The following MNAT1 variants were observed in gnomAD, a reference collection of about 807,000 sequenced individuals.
The protein encoded by MNAT1 is MNAT1 component of CDK activating kinase, also known as CDK-activating kinase assembly factor MAT1.
A neutral mutation model predicts 42.0 loss-of-function variants in MNAT1; 43 were observed. That is an observed-to-expected ratio of 1.02 (90% CI 0.80 to 1.32). MNAT1 has a LOEUF of 1.32. Ranked by LOEUF, MNAT1 falls within the 40% of genes most tolerant of loss-of-function variation. The pLI is 0.00. For synonymous variants in MNAT1, 118 were observed against 120.0 expected (o/e 0.98, Z 0.11); for missense variants, 306 against 350.4 (o/e 0.87, Z 1.01).
intron 1 of MNAT1, among the ~76,000 whole-genome samples, chr14:60,782,334 C>T (rs1478712531): frequency 1.3e-5 from 2 of 152,044 alleles, no homozygotes. Flanking sequence ...GAAGGACTAC[C>T]TTACATGGAC....
At chr14:60,867,720 T>G (rs933964819) in intron 6 of MNAT1, among the ~76,000 whole-genome samples, 1 of 152,114 alleles carries the variant, frequency 6.6e-6, no homozygotes, top group African/African-American at 2.4e-5. Flanking sequence ...GTCTCCTCAC[T>G]TATACACTCC....
intron 1 of MNAT1, among the ~76,000 whole-genome samples, chr14:60,784,989 A>G (rs1039895511): frequency 1.3e-5 from 2 of 152,026 alleles, no homozygotes; most frequent in African/African-American, 4.8e-5. Flanking sequence ...AGTAGCTGGG[A>G]CTACAGGTGT....
intron 7 of MNAT1, among the ~76,000 whole-genome samples, chr14:60,908,332 T>A (rs1293075473): frequency 6.6e-6 from 1 of 152,186 alleles, no homozygotes; most frequent in South Asian, 2.1e-4. Context: ...TTTTTTATTT[T>A]TATTATACTT....
intron 7 of MNAT1, among the ~76,000 whole-genome samples, chr14:60,913,421 AG>A (rs1203578660): frequency 6.6e-6 from 1 of 151,952 alleles, no homozygotes; most frequent in Non-Finnish European, 1.5e-5. Flanking sequence ...TAGAGTTTCC[AG>A]TTTTTCTGCT....
At chr14:60,788,084 C>T (rs1463348269) in intron 1 of MNAT1, among the ~76,000 whole-genome samples, 1 of 152,158 alleles carries the variant, frequency 6.6e-6, no homozygotes, top group Non-Finnish European at 1.5e-5. Flanking sequence ...GCAGCTACAG[C>T]ATTATGACAT....
intron 6 of MNAT1, among the ~76,000 whole-genome samples, chr14:60,870,172 C>G (rs1184973587): frequency 6.6e-6 from 1 of 152,002 alleles, no homozygotes. Flanking sequence ...TTTAGAAAAC[C>G]TTTTTTCTCA....
chr14:60,930,969 T>A (rs1313453680), intron 7 of MNAT1, among the ~76,000 whole-genome samples: 1 of 152,192 alleles, frequency 6.6e-6, no homozygotes, highest in African/African-American at 2.4e-5. Flanking sequence ...GGAAGACGTT[T>A]AAATAATTGA....
intron 6 of MNAT1, among the ~76,000 whole-genome samples, chr14:60,855,768 C>T (rs2033943276): frequency 6.6e-6 from 1 of 152,136 alleles, no homozygotes; most frequent in Admixed American, 6.5e-5. Flanking sequence ...GGCCCCTCCC[C>T]CCAACTTTTT....
At chr14:60,876,303 A>G (rs912945112) in intron 6 of MNAT1, among the ~76,000 whole-genome samples, 1 of 152,090 alleles carries the variant, frequency 6.6e-6, no homozygotes, top group Non-Finnish European at 1.5e-5. Flanking sequence ...AGGGGTTAAA[A>G]TACTATGAAT....
Position 60,796,342 on chromosome 14 carries a change from T to C in MNAT1, c.215T>C (p.Val72Ala). The stretch of plus-strand genomic sequence containing the variant: ...GAAGATCCCACTGTTGACAAGGAGG[T>C]TGAGATCAGGAAAAAAGTGCTAAAG... ...LFEDPTVDKE[V>A]EIRKKVLKIY... The change falls in exon 2 of 8, where the codon GTT becomes GCT. Residue 72 changes from valine (V) to alanine (A), a missense_variant. Val to Ala is a moderately conservative substitution (Grantham distance 64). Coordinates refer to ENST00000261245, the MANE Select transcript of MNAT1 (RefSeq NM_002431.4). 1.2e-6 allele frequency: 2 copies of C among 1,613,248 alleles called. No individual in the cohort carries two copies. Among genetic ancestry groups the C allele is most frequent in the Non-Finnish European group, 1.7e-6 (2 of 1,179,594 alleles).
intron 7 of MNAT1, among the ~76,000 whole-genome samples, chr14:60,952,409 C>G (rs2036400271): frequency 6.6e-6 from 1 of 152,102 alleles, no homozygotes; most frequent in South Asian, 2.1e-4. Flanking sequence ...AGAGAACATA[C>G]TGTAAATAGG....
At chr14:60,959,520 AT>A in intron 7 of MNAT1, among the ~76,000 whole-genome samples, 1 of 22,570 alleles carries the variant, frequency 4.4e-5, no homozygotes, top group South Asian at 5.3e-4. Flanking sequence ...CTCCATTGCC[AT>A]GCCAGTGATT....
intron 1 of MNAT1, among the ~76,000 whole-genome samples, chr14:60,735,819 G>A (rs1246683190): frequency 6.6e-6 from 1 of 152,208 alleles, no homozygotes; most frequent in Non-Finnish European, 1.5e-5. Flanking sequence ...AGTGAAGGTG[G>A]TTCTAGAAAG....
At chr14:60,877,838 A>G (rs1228327665) in intron 6 of MNAT1, among the ~76,000 whole-genome samples, 2 of 152,170 alleles carry the variant, frequency 1.3e-5, no homozygotes, top group South Asian at 4.1e-4. Context: ...TTAGTTATCC[A>G]GTAGTTCTTT....
chr14:60,943,842 G>T (rs1426144658), intron 7 of MNAT1, among the ~76,000 whole-genome samples: 2 of 152,122 alleles, frequency 1.3e-5, no homozygotes, highest in Non-Finnish European at 2.9e-5. Context: ...TCCATATGGA[G>T]CCCTGCCTTC....
rs763903839 is a variant in MNAT1 at position 60,858,613 on chromosome 14, G to A, written c.688-21101G>A. Among the ~76,000 whole-genome samples the A allele has an allele frequency of 9.2e-5, 14 of 152,112 alleles. 1 individual carries two copies. The highest frequency in any genetic ancestry group is 1.8e-4 in the Non-Finnish European group (12 of 68,016). The stretch of plus-strand genomic sequence containing the variant: ...GTTAAATGCTTTCAAACAGCATCAT[G>A]TGCTACAGAGAACTCTTTCATGAAA... On this transcript the variant is annotated intron_variant, in intron 6 of 7. Transcript: ENST00000261245.
intron 7 of MNAT1, among the ~76,000 whole-genome samples, chr14:60,911,343 A>T (rs2035355287): frequency 6.6e-6 from 1 of 151,786 alleles, no homozygotes; most frequent in Admixed American, 6.6e-5. Flanking sequence ...GCTCTGACTT[A>T]GTTATGTCTT....
chr14:60,762,671 A>G (rs907618087), intron 1 of MNAT1, among the ~76,000 whole-genome samples: 2 of 130,990 alleles, frequency 1.5e-5, no homozygotes, highest in Non-Finnish European at 3.1e-5. Flanking sequence ...ACACCTCTGC[A>G]CTCCATTCTG....
intron 3 of MNAT1, among the ~76,000 whole-genome samples, chr14:60,798,536 G>A (rs1392243072): frequency 6.6e-6 from 1 of 152,050 alleles, no homozygotes; most frequent in Non-Finnish European, 1.5e-5. Context: ...AGTGACTAAA[G>A]CCATATGTTT....
Sources: gnomAD v4.1 joint callset for allele counts (sites outside exome capture counted in the v4.1 genomes callset) on GRCh38, gnomAD v4.1.1 for gene constraint, MANE v1.5 for transcripts, NCBI Gene and HGNC (gene_info 2026-07-23, HGNC 2026-07-21) for gene names.